The following GRM5 variants were observed in gnomAD, a reference collection of about 807,000 sequenced individuals.
The protein encoded by GRM5 is metabotropic glutamate receptor 5.
In GRM5, 19 loss-of-function variants were observed where a neutral mutation model predicts 83.1. The observed-to-expected ratio is 0.23, with a 90% CI of 0.16 to 0.34. The LOEUF (loss-of-function observed/expected upper bound fraction) is 0.34. Among genes scored for constraint, GRM5 ranks in the 10% least tolerant of loss-of-function variants. The probability of loss-of-function intolerance (pLI) is 1.00; values close to 1 mark genes in which losing one functional copy is unlikely to be tolerated. For synonymous variants in GRM5, 675 were observed against 633.6 expected (o/e 1.07, Z -0.98); for missense variants, 1,160 against 1,588.3 (o/e 0.73, Z 4.58).
chr11:88,734,951 T>G (rs1399324189), intron 3 of GRM5, among the ~76,000 whole-genome samples: 3 of 152,064 alleles, frequency 2.0e-5, no homozygotes, highest in African/African-American at 7.2e-5. Context: ...TAAATTAGTA[T>G]TTTAATTAGA....
At chr11:88,782,522 G>A (rs1942993442) in intron 3 of GRM5, among the ~76,000 whole-genome samples, 1 of 152,026 alleles carries the variant, frequency 6.6e-6, no homozygotes, top group East Asian at 1.9e-4. Flanking sequence ...ACAACACATG[G>A]GAATTCATGA....
chr11:88,683,670 G>A (rs984196490), intron 3 of GRM5, among the ~76,000 whole-genome samples: 4 of 152,144 alleles, frequency 2.6e-5, no homozygotes, highest in African/African-American at 9.7e-5. Context: ...CTGCTCTTGT[G>A]TGAAATTCAA....
intron 9 of GRM5, among the ~76,000 whole-genome samples, chr11:88,524,400 T>C (rs1941808972): frequency 6.6e-6 from 1 of 152,068 alleles, no homozygotes; most frequent in African/African-American, 2.4e-5. Flanking sequence ...GTGTTTTTAG[T>C]AGAGACGGGG....
At chr11:88,628,422 T>G (rs1938867439) in intron 4 of GRM5, among the ~76,000 whole-genome samples, 1 of 152,246 alleles carries the variant, frequency 6.6e-6, no homozygotes, top group Admixed American at 6.5e-5. Context: ...GCCTTGAATT[T>G]GTATCAATAC....
chr11:88,891,114 T>A (rs1945137217), intron 2 of GRM5, among the ~76,000 whole-genome samples: 1 of 152,040 alleles, frequency 6.6e-6, no homozygotes, highest in Non-Finnish European at 1.5e-5. Context: ...AAATGGGTTA[T>A]AAAAAAGGTT....
intron 3 of GRM5, among the ~76,000 whole-genome samples, chr11:88,766,548 A>G (rs1027014677): frequency 6.6e-6 from 1 of 152,056 alleles, no homozygotes; most frequent in African/African-American, 2.4e-5. Context: ...ACACACAAAA[A>G]TCAAATCAAA....
At chr11:88,917,018 A>G (rs12274015) in intron 2 of GRM5, among the ~76,000 whole-genome samples, 4,437 of 152,210 alleles carry the variant, frequency 0.029, 210 homozygotes, top group African/African-American at 0.1. Flanking sequence ...ACTAGTCACC[A>G]TAGGCCTTGG....
Position 89,047,528 on chromosome 11 carries a change from A to C in GRM5, c.345T>G (p.Asp115Glu). Reference protein sequence around the residue: ...ALEQSIEFIRDSLISSEEEEG... With the variant: ...ALEQSIEFIRESLISSEEEEG... Reference sequence around the variant, plus strand: ...CTTCCTCTTCTGAAGAAATGAGGGAATCTCTTATGAACTCAATGCTCTGCT... The same window carrying C: ...CTTCCTCTTCTGAAGAAATGAGGGACTCTCTTATGAACTCAATGCTCTGCT... The change falls in exon 2 of 10, where the codon GAT becomes GAG. Residue 115 changes from aspartate to glutamate, a missense_variant. Transcript: ENST00000305447. The surrounding 1 kb of genome is among the most constrained non-coding windows in gnomAD (Gnocchi z 5.1). The C allele has an allele frequency of 1.2e-6, 2 of 1,614,066 alleles. No individual in the cohort carries two copies. Among genetic ancestry groups the C allele is most frequent in the Non-Finnish European group, 1.7e-6 (2 of 1,179,936 alleles).
At chr11:88,839,449 T>G (rs898646655) in intron 3 of GRM5, among the ~76,000 whole-genome samples, 4 of 152,196 alleles carry the variant, frequency 2.6e-5, no homozygotes, top group African/African-American at 9.6e-5. Flanking sequence ...TTTACTATCT[T>G]ACTCATAATT....
At chr11:88,666,910 TAAAGAA>T (rs1048842711) in intron 3 of GRM5, among the ~76,000 whole-genome samples, 5 of 152,024 alleles carry the variant, frequency 3.3e-5, no homozygotes, top group African/African-American at 4.8e-5. Flanking sequence ...TATAAAGCAT[TAAAGAA>T]AAAGAATGAA....
At chr11:88,660,713 G>A (rs1365370483) in intron 3 of GRM5, among the ~76,000 whole-genome samples, 1 of 152,156 alleles carries the variant, frequency 6.6e-6, no homozygotes, top group East Asian at 1.9e-4. Flanking sequence ...CTGCTGAGAC[G>A]AACCTCACAC....
chr11:88,654,437 T>G (rs1211001638), intron 3 of GRM5, among the ~76,000 whole-genome samples: 1 of 152,086 alleles, frequency 6.6e-6, no homozygotes, highest in Non-Finnish European at 1.5e-5. Flanking sequence ...GTATATCTGC[T>G]GGAACCCAGT....
chr11:88,814,017 T>C (rs1184648032), intron 3 of GRM5, among the ~76,000 whole-genome samples: 2 of 152,206 alleles, frequency 1.3e-5, no homozygotes, highest in East Asian at 3.8e-4. Flanking sequence ...ATAGTACTTT[T>C]AATTACTAAA....
chr11:88,936,592 A>AACAAGAC, intron 2 of GRM5, among the ~76,000 whole-genome samples: 1 of 151,980 alleles, frequency 6.6e-6, no homozygotes, highest in East Asian at 1.9e-4. Context: ...GATAAAACTA[A>AACAAGAC]ACAAGACACA....
At chr11:88,592,177 A>C (rs1180783213) in intron 6 of GRM5, among the ~76,000 whole-genome samples, 1 of 152,186 alleles carries the variant, frequency 6.6e-6, no homozygotes, top group Non-Finnish European at 1.5e-5. Context: ...ATAGCCACTA[A>C]GTAGTTGTGC....
At chr11:88,921,918 C>CAAAA (rs59956434) in intron 2 of GRM5, among the ~76,000 whole-genome samples, 6,964 of 149,676 alleles carry the variant, frequency 0.047, 449 homozygotes, top group African/African-American at 0.15. Flanking sequence ...AATAAAAATA[C>CAAAA]AAAAAAAACC....
intron 4 of GRM5, among the ~76,000 whole-genome samples, chr11:88,627,363 TA>T (rs11352228): frequency 0.71 from 108,181 of 151,984 alleles, 42,779 homozygotes; most frequent in Non-Finnish European, 0.9. Flanking sequence ...GTTTACCCTA[TA>T]ATTTCTTTGT....
chr11:89,017,995 G>A (rs761913846), intron 2 of GRM5, among the ~76,000 whole-genome samples: 11 of 151,878 alleles, frequency 7.2e-5, no homozygotes, highest in Middle Eastern at 3.2e-3. Context: ...CACATGATAG[G>A]CCCTTTAAAT....
intron 3 of GRM5, among the ~76,000 whole-genome samples, chr11:88,804,182 C>G (rs1311110382): frequency 6.6e-6 from 1 of 150,556 alleles, no homozygotes; most frequent in Non-Finnish European, 1.5e-5. Context: ...CATCCCATTA[C>G]TGGGTATATA....
Sources: gnomAD v4.1 joint callset for allele counts (sites outside exome capture counted in the v4.1 genomes callset) on GRCh38, gnomAD v4.1.1 for gene constraint, Gnocchi (gnomAD v3.1) non-coding constraint, MANE v1.5 for transcripts, NCBI Gene and HGNC (gene_info 2026-07-23, HGNC 2026-07-21) for gene names.